COL25A1: variants seen among roughly 807,000 people sequenced by gnomAD.
COL25A1 encodes the protein collagen type XXV alpha 1 chain.
In COL25A1, 103 loss-of-function variants were observed where a neutral mutation model predicts 128.4. That is an observed-to-expected ratio of 0.80 (90% CI 0.68 to 0.94). The LOEUF is 0.94. Ranked by LOEUF, COL25A1 falls within the 40% of genes least tolerant of loss-of-function variation. The pLI is 0.00. For missense variants in COL25A1, 745 were observed against 840.0 expected, an observed-to-expected ratio of 0.89 and a Z score of 1.40; for synonymous variants, 279 against 277.2, an observed-to-expected ratio of 1.01 and a Z score of -0.06.
intron 5 of COL25A1, among the ~76,000 whole-genome samples, chr4:109,010,983 A>C (rs1756528747): frequency 6.6e-6 from 1 of 152,218 alleles, no homozygotes; most frequent in African/African-American, 2.4e-5. Context: ...AACTCTTCAC[A>C]CAGTCAATGG....
At chr4:109,284,898 TAA>T (rs35323327) in intron 3 of COL25A1, among the ~76,000 whole-genome samples, 2 of 142,412 alleles carry the variant, frequency 1.4e-5, no homozygotes, top group Non-Finnish European at 3.1e-5. Flanking sequence ...ACAGCATGTA[TAA>T]AAAAAAAAAC....
At chr4:109,265,180 C>T (rs1781703809) in intron 3 of COL25A1, among the ~76,000 whole-genome samples, 1 of 152,130 alleles carries the variant, frequency 6.6e-6, no homozygotes, top group South Asian at 2.1e-4. Context: ...ATTAGAAAAT[C>T]CTCAAGTTTT....
chr4:108,938,144 C>G (rs1747659883), intron 10 of COL25A1, among the ~76,000 whole-genome samples: 1 of 152,106 alleles, frequency 6.6e-6, no homozygotes, highest in Admixed American at 6.5e-5. Context: ...GACAATTGCT[C>G]TTAGTGCAGG....
At chr4:108,960,434 T>C (rs1367003932) in intron 8 of COL25A1, among the ~76,000 whole-genome samples, 3 of 152,096 alleles carry the variant, frequency 2.0e-5, no homozygotes, top group Non-Finnish European at 4.4e-5. Context: ...TACAGTAATT[T>C]TTGGTGTTCA....
At chr4:109,176,687 A>G (rs112001320) in intron 3 of COL25A1, among the ~76,000 whole-genome samples, 23 of 152,186 alleles carry the variant, frequency 1.5e-4, no homozygotes, top group Non-Finnish European at 2.4e-4. Flanking sequence ...ATCTTTGCAG[A>G]TGTAATTAAG....
chr4:109,153,475 C>G (rs375800452), intron 3 of COL25A1, among the ~76,000 whole-genome samples: 12 of 151,920 alleles, frequency 7.9e-5, no homozygotes, highest in African/African-American at 2.4e-4. Context: ...CAGCTAGGTG[C>G]TAAACCAAAG....
At chr4:109,196,563 C>G (rs1560848362) in intron 3 of COL25A1, among the ~76,000 whole-genome samples, 1 of 152,134 alleles carries the variant, frequency 6.6e-6, no homozygotes, top group Non-Finnish European at 1.5e-5. Context: ...AACAATCTGA[C>G]AGCATTCTCC....
rs373292530 is a variant in COL25A1 at position 109,074,245 on chromosome 4, G to A, written c.368-24066C>T. Among the ~76,000 whole-genome samples the A allele has an allele frequency of 2.9e-4, 44 of 152,296 alleles. 1 individual carries two copies. Among genetic ancestry groups the A allele is most frequent in the African/African-American group, 1.0e-3 (42 of 41,572 alleles). ...CCCACTGATTGCCTTCTGCTGTGCA[G>A]CCCAGTTCCTAACAGGCCAAGGAGC... On this transcript the variant is annotated intron_variant, in intron 3 of 37. Coordinates refer to ENST00000399132, the MANE Select transcript of COL25A1 (RefSeq NM_198721.4).
At chr4:109,023,151 T>C (rs966073067) in intron 5 of COL25A1, among the ~76,000 whole-genome samples, 1 of 152,228 alleles carries the variant, frequency 6.6e-6, no homozygotes, top group Non-Finnish European at 1.5e-5. Flanking sequence ...TTCCACAGCA[T>C]ATCAGTGACA....
intron 3 of COL25A1, among the ~76,000 whole-genome samples, chr4:109,152,321 A>C (rs1447067248): frequency 6.6e-6 from 1 of 152,210 alleles, no homozygotes; most frequent in Non-Finnish European, 1.5e-5. Flanking sequence ...TTTACATTAC[A>C]CAAACTCATT....
rs144648859 is a variant in COL25A1 at position 108,862,138 on chromosome 4, A to G, written c.1197+363T>C. On this transcript the variant is annotated intron_variant, in intron 22 of 37. Coordinates refer to ENST00000399132, the MANE Select transcript of COL25A1 (RefSeq NM_198721.4). ...ACGAAGGGAGTCAACTAAAAAGCAG[A>G]GTATAATTCGAGCATTTATCACAAA... Among the ~76,000 whole-genome samples, 5 of 152,358 alleles carry G rather than the reference A, an allele frequency of 3.3e-5. No homozygotes were observed. The East Asian group carries it at 9.6e-4, about 29-fold the overall frequency.
At chr4:109,129,412 A>C (rs1418094849) in intron 3 of COL25A1, among the ~76,000 whole-genome samples, 1 of 152,162 alleles carries the variant, frequency 6.6e-6, no homozygotes, top group Non-Finnish European at 1.5e-5. Flanking sequence ...TACAGGCATG[A>C]GCCACTGCGC....
chr4:109,138,607 T>C (rs1239038753), intron 3 of COL25A1, among the ~76,000 whole-genome samples: 2 of 152,258 alleles, frequency 1.3e-5, no homozygotes, highest in Non-Finnish European at 2.9e-5. Flanking sequence ...CCACCAACAG[T>C]GTAAAAGCAT....
intron 3 of COL25A1, among the ~76,000 whole-genome samples, chr4:109,108,602 C>A (rs1278842975): frequency 6.6e-6 from 1 of 152,128 alleles, no homozygotes; most frequent in African/African-American, 2.4e-5. Context: ...TGAGGAATTG[C>A]CACACTGTCT....
intron 3 of COL25A1, among the ~76,000 whole-genome samples, chr4:109,281,084 A>G (rs1012216334): frequency 1.3e-5 from 2 of 152,202 alleles, no homozygotes; most frequent in African/African-American, 4.8e-5. Context: ...ATAGGAAAAG[A>G]AGTTAATTAA....
At chr4:108,924,916 C>T (rs1745876826) in intron 11 of COL25A1, among the ~76,000 whole-genome samples, 1 of 152,126 alleles carries the variant, frequency 6.6e-6, no homozygotes, top group Non-Finnish European at 1.5e-5. Context: ...AGTACCCTCA[C>T]CTTTGGGGTT....
At chr4:108,832,704 A>G (rs749645673) in intron 31 of COL25A1, 18 of 286,314 alleles carry the variant, frequency 6.3e-5, no homozygotes, top group Non-Finnish European at 1.0e-4. Flanking sequence ...CTGACTAAAT[A>G]AAGCATCACT....
intron 3 of COL25A1, among the ~76,000 whole-genome samples, chr4:109,080,420 A>G (rs1031599941): frequency 1.3e-5 from 2 of 152,148 alleles, no homozygotes; most frequent in African/African-American, 4.8e-5. Flanking sequence ...ATTAAATTAC[A>G]TAAGAAGCAA....
chr4:109,057,421 A>ATTTTTTTTTTTTTTTTTTTTTTTTTTTTT lies in COL25A1; in HGVS notation c.368-7271_368-7243dup, dbSNP rs776941019. ...TAGCTGGGACCACCATGCCTAGCTA[A>ATTTTTTTTTTTTTTTTTTTTTTTTTTTTT]TTTTTTTTTTTTTTTTTTTTTTTTT... On this transcript the variant is annotated intron_variant, in intron 3 of 37. Transcript: ENST00000399132. Among the ~76,000 whole-genome samples the ATTTTTTTTTTTTTTTTTTTTTTTTTTTTT allele has an allele frequency of 1.5e-4, 3 of 20,238 alleles. 1 individual carries two copies. The highest frequency in any genetic ancestry group is 2.6e-4 in the Non-Finnish European group (3 of 11,474). 13.3% of individuals were successfully genotyped at this position (20,238 alleles called of 152,430 possible). A position where few individuals can be genotyped will look rare whatever the true frequency, so the allele number is the denominator to read the frequency against.
Sources: allele counts gnomAD v4.1 joint callset (sites outside exome capture counted in the v4.1 genomes callset), GRCh38; gene constraint gnomAD v4.1.1; transcripts MANE v1.5; gene names NCBI Gene and HGNC (gene_info 2026-07-23, HGNC 2026-07-21).